The following CPNE8 variants were observed in gnomAD, a reference collection of about 807,000 sequenced individuals.
The protein encoded by CPNE8 is copine-8.
CPNE8 carries 45 observed loss-of-function variants against 81.5 expected under a neutral mutation model. The ratio of observed to expected loss-of-function variants is 0.55; its 90% CI spans 0.44 to 0.71. The LOEUF (loss-of-function observed/expected upper bound fraction) is 0.71, where lower values mean the gene tolerates loss of function less well. CPNE8 is among the 30% of genes least tolerant of loss of function. The pLI, the probability that CPNE8 is intolerant of heterozygous loss-of-function variation, is 0.00. For missense variants in CPNE8, 594 were observed against 672.1 expected, an observed-to-expected ratio of 0.88 and a Z score of 1.28; for synonymous variants, 252 against 226.3, an observed-to-expected ratio of 1.11 and a Z score of -1.02.
At chr12:38,714,868 A>T (rs1940347848) in intron 13 of CPNE8, among the ~76,000 whole-genome samples, 1 of 152,082 alleles carries the variant, frequency 6.6e-6, no homozygotes, top group Admixed American at 6.5e-5. Flanking sequence ...AAATATCTAC[A>T]TCAATAATAA....
At chr12:38,789,861 C>A (rs1011957748) in intron 6 of CPNE8, among the ~76,000 whole-genome samples, 1 of 151,636 alleles carries the variant, frequency 6.6e-6, no homozygotes, top group African/African-American at 2.4e-5. Flanking sequence ...CTCAATATCA[C>A]CAATAGAGAA....
At chr12:38,797,751 G>A (rs60863548) in intron 6 of CPNE8, among the ~76,000 whole-genome samples, 12,185 of 152,124 alleles carry the variant, frequency 0.08, 639 homozygotes, top group East Asian at 0.28. Context: ...AAACTACTCC[G>A]AGCTAAAGGA....
chr12:38,720,721 T>G (rs1305262375), intron 13 of CPNE8: 1 of 152,216 alleles, frequency 6.6e-6, no homozygotes, highest in Admixed American at 6.5e-5. Flanking sequence ...TCACGCTGGC[T>G]GCAGCAAGGA....
At chr12:38,722,744 G>A (rs893436668) in intron 13 of CPNE8, among the ~76,000 whole-genome samples, 1 of 152,048 alleles carries the variant, frequency 6.6e-6, no homozygotes, top group African/African-American at 2.4e-5. Flanking sequence ...TAAATCTCTG[G>A]GGATGATATG....
chr12:38,691,787 G>A (rs1939680672), intron 15 of CPNE8, among the ~76,000 whole-genome samples: 1 of 152,148 alleles, frequency 6.6e-6, no homozygotes, highest in Non-Finnish European at 1.5e-5. Flanking sequence ...GCCTGGTAAG[G>A]GCTGTATCCT....
At chr12:38,712,369 C>A (rs763774378) in intron 13 of CPNE8, among the ~76,000 whole-genome samples, 30 of 151,916 alleles carry the variant, frequency 2.0e-4, no homozygotes, top group Non-Finnish European at 3.7e-4. Context: ...GCCACCACAC[C>A]CAACTATTAT....
intron 13 of CPNE8, among the ~76,000 whole-genome samples, chr12:38,722,406 G>T (rs1388230388): frequency 6.6e-6 from 1 of 152,022 alleles, no homozygotes; most frequent in Non-Finnish European, 1.5e-5. Flanking sequence ...TTGCTTGTTT[G>T]TTTGCTTTGT....
intron 6 of CPNE8, among the ~76,000 whole-genome samples, chr12:38,782,429 C>A (rs1447339868): frequency 6.6e-6 from 1 of 152,010 alleles, no homozygotes; most frequent in Non-Finnish European, 1.5e-5. Flanking sequence ...TGTGAAGTTT[C>A]CTGATTTTGA....
At chr12:38,717,172 A>G (rs1378118796) in intron 13 of CPNE8, among the ~76,000 whole-genome samples, 2 of 151,824 alleles carry the variant, frequency 1.3e-5, no homozygotes, top group Non-Finnish European at 2.9e-5. Context: ...AAAAAGGAAC[A>G]CTTTTACACT....
chr12:38,659,318 G>T (rs1365191942), intron 19 of CPNE8, among the ~76,000 whole-genome samples: 1 of 151,954 alleles, frequency 6.6e-6, no homozygotes, highest in Non-Finnish European at 1.5e-5. Context: ...ATTACATAAT[G>T]GTAAAGGGAT....
At chr12:38,683,379 T>C (rs1350350785) in intron 16 of CPNE8, among the ~76,000 whole-genome samples, 1 of 152,158 alleles carries the variant, frequency 6.6e-6, no homozygotes, top group African/African-American at 2.4e-5. Context: ...ATTTGTGTTT[T>C]AGACATTTGT....
chr12:38,755,038 C>T (rs1376780927), intron 10 of CPNE8, among the ~76,000 whole-genome samples: 3 of 152,144 alleles, frequency 2.0e-5, no homozygotes, highest in African/African-American at 7.2e-5. Context: ...AAATACATTT[C>T]AGCAATAGGC....
At chr12:38,773,431 T>C (rs999122818) in intron 7 of CPNE8, among the ~76,000 whole-genome samples, 1 of 152,104 alleles carries the variant, frequency 6.6e-6, no homozygotes, top group Non-Finnish European at 1.5e-5. Flanking sequence ...GTCTCCAGAC[T>C]CATCATGATG....
intron 11 of CPNE8, among the ~76,000 whole-genome samples, chr12:38,725,985 A>G (rs904207960): frequency 1.3e-5 from 2 of 152,112 alleles, no homozygotes; most frequent in African/African-American, 4.8e-5. Flanking sequence ...ATACTGTTCT[A>G]CCTCAGATCA....
At chr12:38,802,540 C>T (rs1393096562) in intron 6 of CPNE8, among the ~76,000 whole-genome samples, 1 of 74,932 alleles carries the variant, frequency 1.3e-5, no homozygotes, top group South Asian at 8.0e-4. Context: ...GCACTAAACG[C>T]CTACAAGAGA....
chr12:38,695,174 G>T (rs1001916815), intron 14 of CPNE8, among the ~76,000 whole-genome samples: 2 of 152,128 alleles, frequency 1.3e-5, no homozygotes, highest in African/African-American at 4.8e-5. Context: ...TAGAAAACTT[G>T]CAATTGTAAA....
In CPNE8 at chr12:38,770,426, C is replaced by T. The variant is rs138732443; in HGVS notation, c.472-2688G>A. 5.0e-3 allele frequency among the ~76,000 whole-genome samples: 758 copies of T among 152,266 alleles called. 5 individuals are homozygous for T. The highest frequency in any genetic ancestry group is 0.017 in the African/African-American group (708 of 41,554). On this transcript the variant is annotated intron_variant, in intron 7 of 19. Coordinates refer to ENST00000331366, the MANE Select transcript of CPNE8 (RefSeq NM_153634.3). ...AGTCCAGTTCAATCTTATTTCTCAC[C>T]CAGACATGTTCATTGACATTTATTC...
chr12:38,847,549 T>A (rs1943578949), intron 4 of CPNE8, among the ~76,000 whole-genome samples: 1 of 152,086 alleles, frequency 6.6e-6, no homozygotes, highest in Non-Finnish European at 1.5e-5. Context: ...TTCTAAAAAA[T>A]AAAAAACCAA....
chr12:38,824,386 G>C (rs1221110608), intron 6 of CPNE8, among the ~76,000 whole-genome samples: 1 of 152,038 alleles, frequency 6.6e-6, no homozygotes, highest in East Asian at 1.9e-4. Flanking sequence ...TCAAAAGTTT[G>C]ATTGATATTA....
Sources: gnomAD v4.1 joint callset for allele counts (sites outside exome capture counted in the v4.1 genomes callset) on GRCh38, gnomAD v4.1.1 for gene constraint, MANE v1.5 for transcripts, NCBI Gene and HGNC (gene_info 2026-07-23, HGNC 2026-07-21) for gene names.